Variants in PRR16 observed in about 807,000 individuals in gnomAD.
The protein encoded by PRR16 is proline rich 16.
PRR16 carries 6 observed loss-of-function variants against 18.2 expected under a neutral mutation model. The ratio of observed to expected loss-of-function variants is 0.33; its 90% CI spans 0.18 to 0.65. PRR16 has a LOEUF of 0.65. Ranked by LOEUF, PRR16 falls within the 30% of genes least tolerant of loss-of-function variation. The pLI is 0.74. For synonymous variants in PRR16, 151 were observed against 147.8 expected, an observed-to-expected ratio of 1.02 and a Z score of -0.16; for missense variants, 412 against 376.6, an observed-to-expected ratio of 1.09 and a Z score of -0.78.
chr5:120,527,520 C>G (rs1336779553), intron 1 of PRR16, among the ~76,000 whole-genome samples: 2 of 152,086 alleles, frequency 1.3e-5, no homozygotes, highest in Non-Finnish European at 2.9e-5. Flanking sequence ...AACACGCCAG[C>G]AAGTAACAGT....
At chr5:120,618,020 C>T in intron 1 of PRR16, among the ~76,000 whole-genome samples, 1 of 152,046 alleles carries the variant, frequency 6.6e-6, no homozygotes, top group Non-Finnish European at 1.5e-5. Flanking sequence ...TGCTCTGGTG[C>T]TTCTGGGACA....
chr5:120,697,374 A>G, the PRR16 span, among the ~76,000 whole-genome samples: 1 of 152,254 alleles, frequency 6.6e-6, no homozygotes, highest in Non-Finnish European at 1.5e-5. Flanking sequence ...ACACGAAGAT[A>G]AAAATATAAG....
intron 1 of PRR16, among the ~76,000 whole-genome samples, chr5:120,585,551 G>T (rs1753412053): frequency 1.3e-5 from 2 of 151,786 alleles, no homozygotes; most frequent in Non-Finnish European, 2.9e-5. Flanking sequence ...CCCAGGAATT[G>T]GAGGATGCAG....
At chr5:120,505,906 C>T (rs2112849669) in intron 1 of PRR16, among the ~76,000 whole-genome samples, 1 of 148,582 alleles carries the variant, frequency 6.7e-6, no homozygotes, top group African/African-American at 2.5e-5. Flanking sequence ...TATATATATA[C>T]ATACATAGGG....
intron 1 of PRR16, among the ~76,000 whole-genome samples, chr5:120,502,369 TTA>T (rs56314160): frequency 1.3e-5 from 2 of 148,752 alleles, no homozygotes; most frequent in African/African-American, 2.5e-5. Flanking sequence ...ATTTTATATA[TTA>T]TATATATATG....
chr5:120,650,325 T>C (rs1755735487), intron 1 of PRR16, among the ~76,000 whole-genome samples: 1 of 151,810 alleles, frequency 6.6e-6, no homozygotes, highest in Non-Finnish European at 1.5e-5. Flanking sequence ...TTTTTTTTCT[T>C]TTTTCTTTTT....
the PRR16 span, among the ~76,000 whole-genome samples, chr5:120,749,801 G>A: frequency 2.2e-4 from 33 of 152,224 alleles, no homozygotes; most frequent in Non-Finnish European, 3.8e-4. Flanking sequence ...ATTCTCGTTT[G>A]AATAGTCTGT....
At chr5:120,647,955 A>G (rs1185075502) in intron 1 of PRR16, among the ~76,000 whole-genome samples, 2 of 152,060 alleles carry the variant, frequency 1.3e-5, no homozygotes, top group African/African-American at 4.8e-5. Context: ...TGCAGAGAGG[A>G]CTTATTACAC....
rs540980969 is a variant in PRR16, at chr5:120,580,494, G to A, written c.160-105460G>A. ...TTTTGAGACAGGATCTTGCTCTGTCGCCCAGGCTGGAGTGCAGTGGTGCGA... is the reference window on the plus strand; with the variant it reads ...TTTTGAGACAGGATCTTGCTCTGTCACCCAGGCTGGAGTGCAGTGGTGCGA... On this transcript the variant is annotated intron_variant, in intron 1 of 1. Transcript: ENST00000407149. Among the ~76,000 whole-genome samples, 53 of 134,238 alleles carry A rather than the reference G, an allele frequency of 3.9e-4. No homozygotes were observed. The South Asian group carries it at 6.1e-3, about 15-fold the overall frequency. The allele number at this position is 134,238 out of a possible 152,430, so 88.1% of individuals were successfully genotyped here. A position where few individuals can be genotyped will look rare whatever the true frequency, so the allele number is the denominator to read the frequency against.
chr5:120,573,574 C>A (rs1421575366), intron 1 of PRR16, among the ~76,000 whole-genome samples: 1 of 152,102 alleles, frequency 6.6e-6, no homozygotes, highest in Non-Finnish European at 1.5e-5. Flanking sequence ...ACTTGGAGAA[C>A]ATTGAACCAG....
the PRR16 span, among the ~76,000 whole-genome samples, chr5:120,723,067 TAATC>T: frequency 3.3e-5 from 5 of 151,904 alleles, no homozygotes; most frequent in African/African-American, 9.7e-5. Flanking sequence ...TACAATTTAA[TAATC>T]TATATAAATC....
At chr5:120,599,308 T>A (rs1580771459) in intron 1 of PRR16, among the ~76,000 whole-genome samples, 2 of 151,992 alleles carry the variant, frequency 1.3e-5, no homozygotes, top group Admixed American at 1.3e-4. Context: ...GAGTCTAAAC[T>A]TATAAATTTT....
At chr5:120,770,289 C>T in the PRR16 span, among the ~76,000 whole-genome samples, 1 of 151,850 alleles carries the variant, frequency 6.6e-6, no homozygotes, top group African/African-American at 2.4e-5. Flanking sequence ...ATAAATAAAT[C>T]CATTCATACA....
chr5:120,497,610 C>T (rs754964327), intron 1 of PRR16, among the ~76,000 whole-genome samples: 8 of 151,510 alleles, frequency 5.3e-5, no homozygotes, highest in African/African-American at 1.2e-4. Flanking sequence ...AGACTGGTCT[C>T]GAACTCCTGA....
chr5:120,569,172 T>C (rs748163281), intron 1 of PRR16, among the ~76,000 whole-genome samples: 2 of 152,204 alleles, frequency 1.3e-5, no homozygotes, highest in Non-Finnish European at 2.9e-5. Context: ...TTCTGCTGTA[T>C]ACTCATGACA....
At chr5:120,656,200 A>T (rs1051380866) in intron 1 of PRR16, among the ~76,000 whole-genome samples, 4 of 151,786 alleles carry the variant, frequency 2.6e-5, no homozygotes, top group African/African-American at 9.7e-5. Context: ...ACTGCGCTTT[A>T]ATTTCTGCTG....
At position 120,501,603 on chromosome 5, in the gene PRR16, C is replaced by T. The variant is rs1750455118; in HGVS notation, c.159+36958C>T. Among the ~76,000 whole-genome samples, 5 of 152,002 alleles carry T rather than the reference C, an allele frequency of 3.3e-5. No individual in the cohort carries two copies. The South Asian group carries it at 1.0e-3, about 32-fold the overall frequency. ...AAGATGGTATTTCCGTATTTTGGTG[C>T]AGATGTCATTCATAGAAATGAGTGG... On this transcript the variant is annotated intron_variant, in intron 1 of 1. Coordinates refer to ENST00000407149, the MANE Select transcript of PRR16 (RefSeq NM_001300783.2).
chr5:120,477,857 A>G (rs138591233), intron 1 of PRR16, among the ~76,000 whole-genome samples: 1 of 152,312 alleles, frequency 6.6e-6, no homozygotes, highest in Admixed American at 6.5e-5. Context: ...TCACGCCTAT[A>G]TCCCCACCTG....
At chr5:120,659,515 T>C (rs1208452548) in intron 1 of PRR16, among the ~76,000 whole-genome samples, 1 of 152,088 alleles carries the variant, frequency 6.6e-6, no homozygotes, top group Non-Finnish European at 1.5e-5. Context: ...TGATATATAA[T>C]GATCAAGGCA....
Sources: allele counts gnomAD v4.1 joint callset (sites outside exome capture counted in the v4.1 genomes callset), GRCh38; gene constraint gnomAD v4.1.1; transcripts MANE v1.5; gene names NCBI Gene and HGNC (gene_info 2026-07-23, HGNC 2026-07-21).